KANK1: variants seen among roughly 807,000 people sequenced by gnomAD.
KANK1 encodes KN motif and ankyrin repeat domains 1, also known as KN motif and ankyrin repeat domain-containing protein 1.
KANK1 carries 109 observed loss-of-function variants against 106.2 expected under a neutral mutation model. That is an observed-to-expected ratio of 1.03 (90% confidence interval 0.88 to 1.20). The LOEUF is 1.20. KANK1 is among the 50% of genes most tolerant of loss of function. The pLI is 0.00. For synonymous variants in KANK1, 873 were observed against 652.2 expected (o/e 1.34, Z -5.16); for missense variants, 2,399 against 1,710.7 (o/e 1.40, Z -7.10).
chr9:684,892 C>G (rs1377616995), intron 2 of KANK1, among the ~76,000 whole-genome samples: 1 of 148,200 alleles, frequency 6.7e-6, no homozygotes, highest in African/African-American at 2.6e-5. Context: ...TAAGTTCTTG[C>G]TCTTTCCTGA....
At chr9:691,630 T>TTTTTTTTA (rs59652466) in intron 2 of KANK1, among the ~76,000 whole-genome samples, 2 of 147,598 alleles carry the variant, frequency 1.4e-5, no homozygotes, top group African/African-American at 5.1e-5. Context: ...TTTTTTTTTT[T>TTTTTTTTA]GAGACCAGAG....
intron 1 of KANK1, among the ~76,000 whole-genome samples, chr9:599,597 C>A (rs2135804607): frequency 6.6e-6 from 1 of 151,818 alleles, no homozygotes; most frequent in Middle Eastern, 3.4e-3. Flanking sequence ...GCAGAGTAAC[C>A]CATCATACTG....
chr9:577,138 G>A (rs370423894), intron 1 of KANK1, among the ~76,000 whole-genome samples: 11 of 152,312 alleles, frequency 7.2e-5, no homozygotes, highest in African/African-American at 2.4e-4. Context: ...TGTGAAGAGC[G>A]AAAGAACAAA....
intron 2 of KANK1, chr9:706,724 C>T (rs1340187036): frequency 5.3e-6 from 5 of 946,762 alleles, no homozygotes; most frequent in Non-Finnish European, 5.0e-6. Flanking sequence ...TGTCATAAGC[C>T]CAGGGCTGAG....
chr9:714,861 C>T (rs545278915), intron 3 of KANK1, among the ~76,000 whole-genome samples: 5 of 152,248 alleles, frequency 3.3e-5, no homozygotes, highest in African/African-American at 9.6e-5. Context: ...TAACATCATC[C>T]TCAGCTTAGG....
chr9:684,161 C>T (rs949996114), intron 2 of KANK1: 2 of 985,100 alleles, frequency 2.0e-6, no homozygotes, highest in African/African-American at 3.5e-5. Context: ...GCCAGCTTCG[C>T]CTTATAAGCT....
At chr9:542,998 C>G (rs866265327) in intron 1 of KANK1, among the ~76,000 whole-genome samples, 1 of 152,106 alleles carries the variant, frequency 6.6e-6, no homozygotes, top group Non-Finnish European at 1.5e-5. Context: ...TTAATGTATA[C>G]TTGGAAATTA....
chr9:578,842 T>G (rs1192104751), intron 1 of KANK1, among the ~76,000 whole-genome samples: 1 of 152,214 alleles, frequency 6.6e-6, no homozygotes, highest in Non-Finnish European at 1.5e-5. Flanking sequence ...TATTTAACTT[T>G]TATTTGAAAT....
At chr9:633,527 C>A (rs951185990) in intron 1 of KANK1, among the ~76,000 whole-genome samples, 1 of 152,168 alleles carries the variant, frequency 6.6e-6, no homozygotes, top group Admixed American at 6.5e-5. Flanking sequence ...ACAGTGCTAC[C>A]CCTTCTCCCA....
chr9:562,404 G>A (rs1290917668), intron 1 of KANK1, among the ~76,000 whole-genome samples: 1 of 152,202 alleles, frequency 6.6e-6, no homozygotes, highest in African/African-American at 2.4e-5. Flanking sequence ...AACTGCTTCT[G>A]GGGAAGATGG....
chr9:555,011 G>A (rs989332938), intron 1 of KANK1, among the ~76,000 whole-genome samples: 1 of 152,184 alleles, frequency 6.6e-6, no homozygotes, highest in African/African-American at 2.4e-5. Context: ...TTTACCGGCT[G>A]CCTGGGCATC....
intron 1 of KANK1, among the ~76,000 whole-genome samples, chr9:537,239 G>C (rs2060348313): frequency 6.6e-6 from 1 of 152,116 alleles, no homozygotes; most frequent in African/African-American, 2.4e-5. Flanking sequence ...GGGAAAATTG[G>C]ACCCCTCTGT....
intron 1 of KANK1, chr9:540,659 T>C (rs1375827102): frequency 6.6e-6 from 1 of 152,210 alleles, no homozygotes; most frequent in Non-Finnish European, 1.5e-5. Flanking sequence ...GGATATTCTT[T>C]GTTGAGAGGT....
intron 1 of KANK1, among the ~76,000 whole-genome samples, chr9:651,543 A>C (rs1365707390): frequency 1.3e-5 from 2 of 152,192 alleles, no homozygotes; most frequent in Admixed American, 6.5e-5. Flanking sequence ...TGAAAGGATA[A>C]AGGAATGCTT....
At chr9:575,939 C>T (rs923061819) in intron 1 of KANK1, among the ~76,000 whole-genome samples, 2 of 152,210 alleles carry the variant, frequency 1.3e-5, no homozygotes, top group African/African-American at 2.4e-5. Context: ...AGGAAGATCG[C>T]TTGAACCCAG....
intron 1 of KANK1, among the ~76,000 whole-genome samples, chr9:665,550 G>T (rs368915471): frequency 6.6e-6 from 1 of 152,114 alleles, no homozygotes; most frequent in Non-Finnish European, 1.5e-5. Flanking sequence ...TGCCAGTACC[G>T]TGCTGATCTG....
intron 1 of KANK1, among the ~76,000 whole-genome samples, chr9:676,131 C>T (rs1215994236): frequency 6.6e-6 from 1 of 152,188 alleles, no homozygotes; most frequent in East Asian, 1.9e-4. Flanking sequence ...CCTGTTTTAT[C>T]AGCAAGGTCT....
At chr9:562,476 G>A (rs1305475851) in intron 1 of KANK1, among the ~76,000 whole-genome samples, 1 of 152,222 alleles carries the variant, frequency 6.6e-6, no homozygotes, top group Non-Finnish European at 1.5e-5. Context: ...GATTTTGCAC[G>A]TGTTTTATCC....
At chr9:478,669 GCAGA>G (rs2058149191) in intron 3 of KANK1, among the ~76,000 whole-genome samples, 6 of 152,192 alleles carry the variant, frequency 3.9e-5, no homozygotes, top group Admixed American at 3.9e-4. Flanking sequence ...AGAAAGGAGG[GCAGA>G]CAATAGCCAC....
Sources: gnomAD v4.1 joint callset for allele counts (sites outside exome capture counted in the v4.1 genomes callset) on GRCh38, gnomAD v4.1.1 for gene constraint, MANE v1.5 for transcripts, NCBI Gene and HGNC (gene_info 2026-07-23, HGNC 2026-07-21) for gene names.